Variants in EML1 observed in about 807,000 individuals in gnomAD.
EML1 encodes the protein echinoderm microtubule-associated protein-like 1.
Under a neutral mutation model 110.4 loss-of-function variants are expected in EML1, and 27 were observed. The observed-to-expected ratio is 0.24, with a 90% CI of 0.18 to 0.34. The LOEUF (loss-of-function observed/expected upper bound fraction) is 0.34. Ranked by LOEUF, EML1 falls within the 10% of genes least tolerant of loss-of-function variation. The pLI, the probability that EML1 is intolerant of heterozygous loss-of-function variation, is 1.00. For missense variants in EML1, 741 were observed against 1,030.9 expected, an observed-to-expected ratio of 0.72 and a Z score of 3.85; for synonymous variants, 344 against 385.8, an observed-to-expected ratio of 0.89 and a Z score of 1.27.
At chr14:99,821,128 TC>T (rs2058254882) in intron 1 of EML1, among the ~76,000 whole-genome samples, 1 of 151,094 alleles carries the variant, frequency 6.6e-6, no homozygotes, top group Non-Finnish European at 1.5e-5. Context: ...GCTCAAGTGA[TC>T]CTACTGCCTG....
intron 1 of EML1, among the ~76,000 whole-genome samples, chr14:99,780,439 A>T (rs1320430489): frequency 6.6e-6 from 1 of 152,008 alleles, no homozygotes; most frequent in East Asian, 1.9e-4. Flanking sequence ...GGCAGATGAG[A>T]CTGTACCTCC....
chr14:99,796,212 G>GAGAA (rs2057770188), intron 1 of EML1, among the ~76,000 whole-genome samples: 1 of 127,626 alleles, frequency 7.8e-6, no homozygotes, highest in Non-Finnish European at 1.7e-5. Flanking sequence ...GAGAGAGAGA[G>GAGAA]AGAGAGAGAG....
intron 17 of EML1, among the ~76,000 whole-genome samples, chr14:99,927,810 G>GA: frequency 2.3e-5 from 1 of 44,074 alleles, no homozygotes; most frequent in Non-Finnish European, 4.7e-5. Flanking sequence ...TGGGGGGGGT[G>GA]GGGGGGTGGT....
chr14:99,859,724 G>T (rs1365962477), intron 2 of EML1, among the ~76,000 whole-genome samples: 1 of 152,078 alleles, frequency 6.6e-6, no homozygotes, highest in Non-Finnish European at 1.5e-5. Context: ...TGTGCCTAGG[G>T]TTCTACTCCA....
rs2059442563 is a variant in EML1 at position 99,884,540 on chromosome 14, G to T, written c.518+5921G>T. Among the ~76,000 whole-genome samples the T allele has an allele frequency of 2.0e-5, 3 of 152,152 alleles. No individual in the cohort carries two copies. In the South Asian group the frequency reaches 6.2e-4, roughly 32 times the overall value. ...AAAGGACTCACAAATGGGAGAACAA[G>T]ATAATCCACGGAATAGAAAAATGGT... On this transcript the variant is annotated intron_variant, in intron 4 of 21. Transcript: ENST00000262233.
At chr14:99,854,008 CCA>C (rs1415328846) in intron 2 of EML1, among the ~76,000 whole-genome samples, 1 of 152,118 alleles carries the variant, frequency 6.6e-6, no homozygotes, top group Non-Finnish European at 1.5e-5. Context: ...ATTTTTTCCC[CCA>C]CAGTTAGTTT....
chr14:99,891,148 A>T (rs374123172), intron 4 of EML1, 51 bp from the exon 5 acceptor site: 1 of 1,613,006 alleles, frequency 6.2e-7, no homozygotes, highest in African/African-American at 1.3e-5. Context: ...AGTGAATGAG[A>T]TGAAACACCC....
chr14:99,914,176 C>G lies in EML1; in HGVS notation c.1495-3C>G, dbSNP rs761574628. ...TTTCTTTTCATATGACTTTTCAATGCAGATTCCAGAACAGTTTGGTCCAAT... is the reference window on the plus strand; with the variant it reads ...TTTCTTTTCATATGACTTTTCAATGGAGATTCCAGAACAGTTTGGTCCAAT... On this transcript the variant is annotated splice_polypyrimidine_tract_variant and splice_region_variant and intron_variant, in intron 13 of 21. Coordinates refer to ENST00000262233, the MANE Select transcript of EML1 (RefSeq NM_004434.3). 6.3e-7 allele frequency: 1 copy of G among 1,597,158 alleles called. No homozygotes were observed. Among genetic ancestry groups the G allele is most frequent in the South Asian group, 1.1e-5 (1 of 89,962 alleles).
At chr14:99,865,375 A>G in intron 2 of EML1, 139 bp from the exon 3 acceptor site, 1 of 1,012,754 alleles carries the variant, frequency 9.9e-7, no homozygotes, top group Non-Finnish European at 1.4e-6. Context: ...ATAGAGATGA[A>G]GAGTTGCTCA....
chr14:99,920,571 A>T (rs1237949332), intron 16 of EML1, among the ~76,000 whole-genome samples: 2 of 152,262 alleles, frequency 1.3e-5, no homozygotes, highest in African/African-American at 4.8e-5. Flanking sequence ...ATAATGGCAT[A>T]GTTTTGAATG....
intron 1 of EML1, among the ~76,000 whole-genome samples, chr14:99,837,173 C>T (rs1115300): frequency 0.25 from 37,921 of 151,930 alleles, 5,168 homozygotes; most frequent in Non-Finnish European, 0.31. Flanking sequence ...GAACCCCAAT[C>T]GTCTTGGCTG....
At chr14:99,859,299 A>G (rs1395860294) in intron 2 of EML1, among the ~76,000 whole-genome samples, 1 of 152,184 alleles carries the variant, frequency 6.6e-6, no homozygotes, top group Non-Finnish European at 1.5e-5. Context: ...GAAATATAAC[A>G]GGAAACTGCT....
chr14:99,822,238 T>C (rs2058276276), intron 1 of EML1, among the ~76,000 whole-genome samples: 1 of 152,176 alleles, frequency 6.6e-6, no homozygotes, highest in African/African-American at 2.4e-5. Context: ...CATAGCTCCA[T>C]CGTTAATGGT....
chr14:99,937,670 G>A (rs1377678942), intron 19 of EML1, 147 bp from the exon 20 acceptor site: 3 of 639,780 alleles, frequency 4.7e-6, no homozygotes, highest in South Asian at 1.9e-5. Context: ...CTGTGCACAC[G>A]TGGTTCCTGC....
chr14:99,739,119 A>T (rs4900443), intron 1 of EML1, among the ~76,000 whole-genome samples: 1,770 of 134,942 alleles, frequency 0.013, 47 homozygotes, highest in African/African-American at 0.047. Flanking sequence ...AGAGAGAGAG[A>T]GTGTGTGTGT....
intron 1 of EML1, among the ~76,000 whole-genome samples, chr14:99,812,005 A>C (rs186307977): frequency 2.0e-4 from 31 of 151,978 alleles, no homozygotes; most frequent in African/African-American, 7.5e-4. Context: ...CAGGTGGCAG[A>C]AAATTCCTGT....
chr14:99,753,199 C>A (rs2057198626), intron 1 of EML1, among the ~76,000 whole-genome samples: 1 of 129,954 alleles, frequency 7.7e-6, no homozygotes, highest in African/African-American at 2.8e-5. Flanking sequence ...ACCCCCCGCC[C>A]CCCCGCCGCC....
intron 9 of EML1, among the ~76,000 whole-genome samples, chr14:99,904,287 T>G (rs956027078): frequency 9.9e-5 from 15 of 152,228 alleles, no homozygotes; most frequent in African/African-American, 3.6e-4. Context: ...TTTACAAGAT[T>G]AATTTCTCTC....
At chr14:99,754,674 C>G (rs1243877699) in intron 1 of EML1, among the ~76,000 whole-genome samples, 2 of 152,192 alleles carry the variant, frequency 1.3e-5, no homozygotes, top group Non-Finnish European at 2.9e-5. Flanking sequence ...AGCTTGGCAC[C>G]CCGGCACAGG....
Sources: gnomAD v4.1 joint callset for allele counts (sites outside exome capture counted in the v4.1 genomes callset) on GRCh38, gnomAD v4.1.1 for gene constraint, MANE v1.5 for transcripts, NCBI Gene and HGNC (gene_info 2026-07-23, HGNC 2026-07-21) for gene names.